The following TNPO2 variants were observed in gnomAD, a reference collection of about 807,000 sequenced individuals.
TNPO2 encodes transportin-2.
A neutral mutation model predicts 111.1 loss-of-function variants in TNPO2; 16 were observed. The observed-to-expected ratio is 0.14, with a 90% CI of 0.10 to 0.22. The LOEUF (loss-of-function observed/expected upper bound fraction) is 0.22, where lower values mean the gene tolerates loss of function less well. TNPO2 is among the 10% of genes least tolerant of loss of function. TNPO2 has a pLI of 1.00. For missense variants in TNPO2, 530 were observed against 1,173.7 expected (o/e 0.45, Z 8.01); for synonymous variants, 481 against 475.8 (o/e 1.01, Z -0.14).
At chr19:12,718,936 G>T in intron 5 of TNPO2, 93 bp downstream of exon 5, 1 of 1,494,474 alleles carries the variant, frequency 6.7e-7, no homozygotes, top group African/African-American at 1.4e-5. Context: ...ACCATAGAGG[G>T]TGCCAGAGCA....
In TNPO2 at chr19:12,715,273, C is replaced by T. The variant is rs754633785; in HGVS notation, c.618G>A (p.Ala206=). ...TGAAGGTGTCAATATTGTCCATCAG[C>T]GCCTGGGCCCGGTCCATGATGAACT... is the stretch of plus-strand genomic sequence containing the variant. ...VNQFIMDRAQ[A]LMDNIDTFIE... Residue 206 remains alanine, a synonymous_variant, in exon 8 of 26, where the codon GCG becomes GCA. Coordinates refer to ENST00000425528, the MANE Select transcript of TNPO2 (RefSeq NM_001382241.1). This position sits in a 1 kb window ranked among gnomAD's most constrained non-coding sequence, Gnocchi z 7.1. 37 of 1,613,560 alleles carry T rather than the reference C, an allele frequency of 2.3e-5. No homozygotes were observed. In the East Asian group the frequency reaches 2.7e-4, roughly 12 times the overall value.
At chr19:12,708,448 A>T (rs1164869446) in intron 13 of TNPO2, among the ~76,000 whole-genome samples, 2 of 146,950 alleles carry the variant, frequency 1.4e-5, no homozygotes, top group Non-Finnish European at 3.0e-5. Context: ...TTTTTTTTTA[A>T]AATATCACGA....
At chr19:12,712,484 T>C (rs1391413891) in intron 10 of TNPO2, among the ~76,000 whole-genome samples, 1 of 152,218 alleles carries the variant, frequency 6.6e-6, no homozygotes, top group Non-Finnish European at 1.5e-5. Flanking sequence ...ACTCCTAGTC[T>C]GCCTTCATGT....
rs1325953156 is a variant in TNPO2 at position 12,705,063 on chromosome 19, T to A, written c.2022+177A>T. 6.6e-6 allele frequency among the ~76,000 whole-genome samples: 1 copy of A among 152,168 alleles called. No homozygotes were observed. The highest frequency in any genetic ancestry group is 1.9e-4 in the East Asian group (1 of 5,202). On this transcript the variant is annotated intron_variant, in intron 18 of 25. Transcript: ENST00000425528. The surrounding 1 kb of genome is among the most constrained non-coding windows in gnomAD (Gnocchi z 7.2). ...TGGGGTTTCACTATGTTGCCCAGGC[T>A]GGTCTCAAACTCCTGGGCTCAAGCA...
In TNPO2 at chr19:12,721,637, A is replaced by T. The variant is rs1306033524; in HGVS notation, c.-13-647T>A. 3.7e-6 allele frequency: 1 copy of T among 269,670 alleles called. No homozygotes were observed. Among genetic ancestry groups the T allele is most frequent in the African/African-American group, 2.4e-5 (1 of 42,268 alleles). The allele number at this position is 269,670 out of a possible 1,614,324, so 16.7% of individuals were successfully genotyped here. A position where few individuals can be genotyped will look rare whatever the true frequency, so the allele number is the denominator to read the frequency against. ...TCTGTGGCCTAGCCAAATTCTAAGG[A>T]TTCCCCTTAATCAGGCCCAAAGCAG... On this transcript the variant is annotated intron_variant, in intron 2 of 25. Coordinates refer to ENST00000425528, the MANE Select transcript of TNPO2 (RefSeq NM_001382241.1). The surrounding 1 kb of genome is among the most constrained non-coding windows in gnomAD (Gnocchi z 4.9).
chr19:12,719,365 C>T lies in TNPO2; in HGVS notation c.100-29G>A. The stretch of plus-strand genomic sequence containing the variant: ...CCAGGCTGTTAAGGGACTTGGAAGA[C>T]AGAGGCCTTCCCCCAGCCAGGTCCC... On this transcript the variant is annotated intron_variant, in intron 3 of 25. Transcript: ENST00000425528. The surrounding 1 kb of genome is among the most constrained non-coding windows in gnomAD (Gnocchi z 5.0). 1.9e-6 allele frequency: 3 copies of T among 1,603,032 alleles called. No individual in the cohort carries two copies. Among genetic ancestry groups the T allele is most frequent in the Non-Finnish European group, 2.6e-6 (3 of 1,170,514 alleles).
Position 12,702,975 on chromosome 19 carries a change from G to A in TNPO2, c.2210-57C>T, listed in dbSNP as rs2025409252. On this transcript the variant is annotated intron_variant, in intron 20 of 25. Transcript: ENST00000425528. The surrounding 1 kb of genome is among the most constrained non-coding windows in gnomAD (Gnocchi z 5.5). ...GCCCCCGCCACCCACAGGGGCCAGG[G>A]GGCCGCCCCACCTCACTCACTACTC... 3 of 1,516,956 alleles carry A rather than the reference G, an allele frequency of 2.0e-6. No homozygotes were observed. Among genetic ancestry groups the A allele is most frequent in the South Asian group, 1.1e-5 (1 of 88,160 alleles). 94.0% of individuals were successfully genotyped at this position (1,516,956 alleles called of 1,614,324 possible). A position where few individuals can be genotyped will look rare whatever the true frequency, so the allele number is the denominator to read the frequency against.
rs1335171412 is a variant in TNPO2, at chr19:12,721,075, G to C, written c.-13-85C>G. ...TGGAGCCCCTGAGGCCGCGGTGGCCGCATGACGACGGGAACGCCCTCGGCG... is the reference window on the plus strand; with the variant it reads ...TGGAGCCCCTGAGGCCGCGGTGGCCCCATGACGACGGGAACGCCCTCGGCG... On this transcript the variant is annotated intron_variant, in intron 2 of 25. Transcript: ENST00000425528. This position sits in a 1 kb window ranked among gnomAD's most constrained non-coding sequence, Gnocchi z 4.9. 35 of 1,530,630 alleles carry C rather than the reference G, an allele frequency of 2.3e-5. No homozygotes were observed. The highest frequency in any genetic ancestry group is 3.0e-5 in the Non-Finnish European group (34 of 1,144,278). The allele number at this position is 1,530,630 out of a possible 1,614,324, so 94.8% of individuals were successfully genotyped here. A position where few individuals can be genotyped will look rare whatever the true frequency, so the allele number is the denominator to read the frequency against.
At chr19:12,707,061 C>A (rs1278069163) in intron 13 of TNPO2, among the ~76,000 whole-genome samples, 1 of 152,090 alleles carries the variant, frequency 6.6e-6, no homozygotes, top group Non-Finnish European at 1.5e-5. Flanking sequence ...CGCAGTGGTA[C>A]GATCATGGCT....
At position 12,721,312 on chromosome 19, in the gene TNPO2, G is replaced by A. The variant is rs779888575; in HGVS notation, c.-13-322C>T. 3.9e-6 allele frequency: 5 copies of A among 1,287,450 alleles called. 1 individual carries two copies. In the South Asian group the frequency reaches 5.1e-5, roughly 13 times the overall value. The allele number at this position is 1,287,450 out of a possible 1,614,324, so 79.8% of individuals were successfully genotyped here. ...CCCATGCCGCTGACCCCGGCTCCGA[G>A]CCCGAAGGCTTCCACCTCCCTCGCA... is the stretch of plus-strand genomic sequence containing the variant. On this transcript the variant is annotated intron_variant, in intron 2 of 25. Transcript: ENST00000425528. The surrounding 1 kb of genome is among the most constrained non-coding windows in gnomAD (Gnocchi z 4.9).
Position 12,721,038 on chromosome 19 carries a change from G to T in TNPO2, c.-13-48C>A, listed in dbSNP as rs1263510493. 2.0e-6 allele frequency: 3 copies of T among 1,536,476 alleles called. No homozygotes were observed. In the Admixed American group the frequency reaches 5.9e-5, roughly 30 times the overall value. ...CAGCGCTGGGTCTCTGGGGCTCCGT[G>T]TGAGACCCAGGTGGAGCCCCTGAGG... On this transcript the variant is annotated intron_variant, in intron 2 of 25. Transcript: ENST00000425528. This position sits in a 1 kb window ranked among gnomAD's most constrained non-coding sequence, Gnocchi z 4.9.
In TNPO2 at chr19:12,719,797, T is replaced by A. The variant is rs2026568906; in HGVS notation, c.100-461A>T. Among the ~76,000 whole-genome samples, 2 of 137,688 alleles carry A rather than the reference T, an allele frequency of 1.5e-5. No individual in the cohort carries two copies. Among genetic ancestry groups the A allele is most frequent in the South Asian group, 2.1e-4 (1 of 4,776 alleles). 90.3% of individuals were successfully genotyped at this position (137,688 alleles called of 152,430 possible). On this transcript the variant is annotated intron_variant, in intron 3 of 25. Transcript: ENST00000425528. The surrounding 1 kb of genome is among the most constrained non-coding windows in gnomAD (Gnocchi z 5.0). ...CTGGGCGACAGAGCAAGACTCCATC[T>A]TGAAAAAAAAAAAAATCATACAAGG... is the stretch of plus-strand genomic sequence containing the variant.
intron 10 of TNPO2, among the ~76,000 whole-genome samples, chr19:12,712,807 G>A (rs527730157): frequency 6.6e-6 from 1 of 152,246 alleles, no homozygotes; most frequent in African/African-American, 2.4e-5. Flanking sequence ...GGTCCCCCGG[G>A]CCCAGCTGCC....
At chr19:12,720,719 G>C (rs546491312) in intron 3 of TNPO2, among the ~76,000 whole-genome samples, 160 bp downstream of exon 3, 2 of 152,230 alleles carry the variant, frequency 1.3e-5, no homozygotes, top group South Asian at 4.2e-4. Flanking sequence ...TCTGGAAATG[G>C]GACCCAGGAA....
chr19:12,720,796 C>T lies in TNPO2; in HGVS notation c.99+83G>A, dbSNP rs936044768. On this transcript the variant is annotated intron_variant, in intron 3 of 25. Transcript: ENST00000425528. ...GAAAAAATCTGGGGACTAGGGGAGT[C>T]AGTCCCTCTCTTTCTCTCTCTGGCC... 2.7e-6 allele frequency: 4 copies of T among 1,481,160 alleles called. No individual in the cohort carries two copies. In the African/African-American group the frequency reaches 4.3e-5, roughly 16 times the overall value. 91.8% of individuals were successfully genotyped at this position (1,481,160 alleles called of 1,614,324 possible). A position where few individuals can be genotyped will look rare whatever the true frequency, so the allele number is the denominator to read the frequency against.
Position 12,702,724 on chromosome 19 carries a change from G to C in TNPO2, c.2305+99C>G. ...CCAGGTACTTCCAGACACCCTCCTT[G>C]GTTCCTTGACAAGGCTCTTTCTGAT... On this transcript the variant is annotated intron_variant, in intron 21 of 25. Coordinates refer to ENST00000425528, the MANE Select transcript of TNPO2 (RefSeq NM_001382241.1). This position sits in a 1 kb window ranked among gnomAD's most constrained non-coding sequence, Gnocchi z 5.5. The C allele has an allele frequency of 9.2e-7, 1 of 1,085,634 alleles. No homozygotes were observed. The highest frequency in any genetic ancestry group is 1.4e-6 in the Non-Finnish European group (1 of 717,848). 67.3% of individuals were successfully genotyped at this position (1,085,634 alleles called of 1,614,324 possible).
At position 12,719,032 on chromosome 19, in the gene TNPO2, T is replaced by C. The variant is rs1338574661; in HGVS notation, c.322A>G (p.Ile108Val). The C allele has an allele frequency of 2.5e-6, 4 of 1,613,480 alleles. No individual in the cohort carries two copies. The change falls in exon 5 of 26, where the codon ATT (isoleucine) becomes GTT (valine). Residue 108 changes from isoleucine to valine, a missense_variant. Transcript: ENST00000425528. This position sits in a 1 kb window ranked among gnomAD's most constrained non-coding sequence, Gnocchi z 5.0. ...CAACCCCCGCTGCCCCTCTCACCAA[T>C]GGTGGCTCGGATGAGCGAGGAGGCA... ...GDASSLIRAT[I>V]GILITTIASK...
At chr19:12,703,840 T>A (rs1424246134) in intron 18 of TNPO2, 39 bp from the exon 19 acceptor site, 3 of 1,529,336 alleles carry the variant, frequency 2.0e-6, no homozygotes, top group Middle Eastern at 1.7e-4. Flanking sequence ...TAGGCTCCCC[T>A]CCTTCTAACC....
intron 2 of TNPO2, among the ~76,000 whole-genome samples, chr19:12,722,794 A>C (rs1182113234): frequency 6.6e-6 from 1 of 152,026 alleles, no homozygotes; most frequent in African/African-American, 2.4e-5. Context: ...CGGTCCTCCC[A>C]GTGTCTCGTT....
Sources: gnomAD v4.1 joint callset for allele counts (sites outside exome capture counted in the v4.1 genomes callset) on GRCh38, gnomAD v4.1.1 for gene constraint, Gnocchi (gnomAD v3.1) non-coding constraint, MANE v1.5 for transcripts, NCBI Gene and HGNC (gene_info 2026-07-23, HGNC 2026-07-21) for gene names.